The following ZNF519 variants were observed in gnomAD, a reference collection of about 807,000 sequenced individuals.
ZNF519 encodes the protein zinc finger protein 519.
In ZNF519, 7 loss-of-function variants were observed where a neutral mutation model predicts 7.4. That is an observed-to-expected ratio of 0.94 (90% CI 0.54 to 1.77). The LOEUF is 1.77. ZNF519 is among the 40% of genes most tolerant of loss of function. The pLI is 0.00. For missense variants in ZNF519, 586 were observed against 623.1 expected (o/e 0.94, Z 0.63); for synonymous variants, 179 against 203.3 (o/e 0.88, Z 1.02).
intron 2 of ZNF519, among the ~76,000 whole-genome samples, chr18:14,086,160 C>T (rs1194763703): frequency 1.3e-5 from 2 of 152,316 alleles, no homozygotes; most frequent in Non-Finnish European, 2.9e-5. Context: ...CCTGGCAATG[C>T]AGTGCTGGCA....
Position 14,087,316 on chromosome 18 carries a change from T to G in ZNF519, c.131-2240A>C, listed in dbSNP as rs180747339. Among the ~76,000 whole-genome samples, 235 of 152,322 alleles carry G rather than the reference T, an allele frequency of 1.5e-3. 1 individual carries two copies. The highest frequency in any genetic ancestry group is 5.3e-3 in the African/African-American group (222 of 41,560). On this transcript the variant is annotated intron_variant and NMD_transcript_variant, in intron 2 of 4. Transcript: ENST00000587419. ...TTATGTTTACCATTTTTATTCAATG[T>G]AGTACTGAAAGTCCTAGCCAGACCA...
chr18:14,107,791 G>A (rs112147023), intron 2 of ZNF519, among the ~76,000 whole-genome samples: 30 of 152,290 alleles, frequency 2.0e-4, no homozygotes, highest in African/African-American at 6.5e-4. Flanking sequence ...TAGCCTGGCG[G>A]TATTCCCCAT....
chr18:14,111,515 GAAAA>G (rs371322134), intron 2 of ZNF519, among the ~76,000 whole-genome samples: 2 of 72,642 alleles, frequency 2.8e-5, no homozygotes, highest in Admixed American at 1.7e-4. Context: ...TCAAAAAAAA[GAAAA>G]AAAAAAAAAA....
rs571169547 is a variant in ZNF519 at position 14,103,483 on chromosome 18, G to A, written c.*1434C>T. ...AAAATGAAACTGGAAAATATTTTCA[G>A]ATAAATGAAAATGAAGTTATGACAT... On this transcript the variant is annotated 3_prime_UTR_variant, in exon 3 of 3. Transcript: ENST00000590202. 6.6e-6 allele frequency: 1 copy of A among 152,160 alleles called. No individual in the cohort carries two copies. Among genetic ancestry groups the A allele is most frequent in the East Asian group, 1.9e-4 (1 of 5,192 alleles). 9.4% of individuals were successfully genotyped at this position (152,160 alleles called of 1,614,324 possible). A position where few individuals can be genotyped will look rare whatever the true frequency, so the allele number is the denominator to read the frequency against.
intron 2 of ZNF519, among the ~76,000 whole-genome samples, chr18:14,109,351 A>G (rs1425092203): frequency 2.0e-5 from 3 of 152,162 alleles, no homozygotes; most frequent in Non-Finnish European, 4.4e-5. Context: ...AATCTGTGCT[A>G]TAAACCAAAT....
chr18:14,102,929 T>C lies in ZNF519; in HGVS notation c.*1988A>G, dbSNP rs1178330861. On this transcript the variant is annotated 3_prime_UTR_variant, in exon 3 of 3. Transcript: ENST00000590202. ...AAACAAGGAAGTAACTTCAAAAACA[T>C]GAACAATTATATAAATTAAAAGATT... 6.6e-6 allele frequency: 1 copy of C among 151,734 alleles called. No homozygotes were observed. The highest frequency in any genetic ancestry group is 2.1e-4 in the South Asian group (1 of 4,822). The allele number at this position is 151,734 out of a possible 1,614,324, so 9.4% of individuals were successfully genotyped here. A position where few individuals can be genotyped will look rare whatever the true frequency, so the allele number is the denominator to read the frequency against.
intron 3 of ZNF519, chr18:14,084,802 C>CA (rs1350319051): frequency 3.3e-5 from 5 of 152,198 alleles, no homozygotes; most frequent in Admixed American, 3.3e-4. Flanking sequence ...TCAAGGAGGG[C>CA]ATACAGGGAG....
chr18:14,088,836 G>C (rs2046101991), intron 2 of ZNF519, among the ~76,000 whole-genome samples: 1 of 152,052 alleles, frequency 6.6e-6, no homozygotes, highest in Admixed American at 6.6e-5. Flanking sequence ...ACATACTTAA[G>C]TATTGACATC....
intron 3 of ZNF519, among the ~76,000 whole-genome samples, chr18:14,084,522 G>A (rs908595843): frequency 3.9e-5 from 6 of 152,144 alleles, no homozygotes; most frequent in Admixed American, 2.0e-4. Flanking sequence ...CCATGGGGAT[G>A]TGGCGGGACT....
rs1199337854 is a variant in ZNF519, at chr18:14,103,550, A to G, written c.*1367T>C. On this transcript the variant is annotated 3_prime_UTR_variant, in exon 3 of 3. Coordinates refer to ENST00000590202, the MANE Select transcript of ZNF519 (RefSeq NM_145287.4). ...CAGCAAACTGTTCAGAGAAATTCAT[A>G]GCAGTAAACACCTACATTAAAAACA... 1 of 152,166 alleles carries G rather than the reference A, an allele frequency of 6.6e-6. No individual in the cohort carries two copies. The highest frequency in any genetic ancestry group is 1.5e-5 in the Non-Finnish European group (1 of 67,980). The allele number at this position is 152,166 out of a possible 1,614,324, so 9.4% of individuals were successfully genotyped here.
Position 14,101,854 on chromosome 18 carries a change from C to T in ZNF519, c.*3063G>A, listed in dbSNP as rs1459294198. ...CCTGGCCTCTTCTGTCGAGTCTTTCCATTCCCCAAATCAGGCACAGACCAG... is the reference window on the plus strand; with the variant it reads ...CCTGGCCTCTTCTGTCGAGTCTTTCTATTCCCCAAATCAGGCACAGACCAG... On this transcript the variant is annotated 3_prime_UTR_variant, in exon 3 of 3. Coordinates refer to ENST00000590202, the MANE Select transcript of ZNF519 (RefSeq NM_145287.4). 1 of 397,568 alleles carries T rather than the reference C, an allele frequency of 2.5e-6. No homozygotes were observed. The highest frequency in any genetic ancestry group is 4.4e-6 in the Non-Finnish European group (1 of 225,802). The allele number at this position is 397,568 out of a possible 1,614,324, so 24.6% of individuals were successfully genotyped here. A position where few individuals can be genotyped will look rare whatever the true frequency, so the allele number is the denominator to read the frequency against.
chr18:14,096,792 T>A (rs17536373), downstream of ZNF519, among the ~76,000 whole-genome samples: 24 of 152,154 alleles, frequency 1.6e-4, no homozygotes, highest in Middle Eastern at 3.4e-3. Context: ...ACAGTGGTGT[T>A]CCTATAGATG....
At chr18:14,096,676 C>T (rs998210131), downstream of ZNF519, among the ~76,000 whole-genome samples, 1 of 152,172 alleles carries the variant, frequency 6.6e-6, no homozygotes, top group Non-Finnish European at 1.5e-5. Context: ...CAACCACACC[C>T]ATCTATTCAT....
intron 1 of ZNF519, among the ~76,000 whole-genome samples, chr18:14,132,059 C>A (rs1252320422): frequency 1.3e-5 from 2 of 152,266 alleles, no homozygotes; most frequent in East Asian, 3.9e-4. Context: ...GGGGAAGATG[C>A]AGGGCTGCGG....
chr18:14,074,410 T>C (rs9947535), downstream of ZNF519: 3,360 of 152,558 alleles, frequency 0.022, 124 homozygotes, highest in African/African-American at 0.074. Context: ...CCTTTTCTGC[T>C]CCATGTGGCC....
intron 3 of ZNF519, chr18:14,084,188 G>C (rs2046080942): frequency 6.6e-6 from 1 of 152,168 alleles, no homozygotes; most frequent in South Asian, 2.1e-4. Context: ...ACCACAGTGT[G>C]ACTTTCACCT....
At chr18:14,120,287 T>C (rs116692589) in intron 2 of ZNF519, among the ~76,000 whole-genome samples, 2,379 of 152,180 alleles carry the variant, frequency 0.016, 64 homozygotes, top group African/African-American at 0.055. Flanking sequence ...ACCAAGAATA[T>C]ACAATGCAGA....
chr18:14,081,490 A>G (rs1404316621), intron 3 of ZNF519, among the ~76,000 whole-genome samples: 2 of 152,210 alleles, frequency 1.3e-5, no homozygotes, highest in Non-Finnish European at 2.9e-5. Flanking sequence ...CTGGACAGGC[A>G]GTTGCTGGGC....
downstream of ZNF519, among the ~76,000 whole-genome samples, chr18:14,099,493 T>A (rs1317726358): frequency 1.3e-5 from 2 of 152,094 alleles, no homozygotes; most frequent in African/African-American, 4.8e-5. Context: ...TCCTCAGAAA[T>A]CAAAATATTA....
Sources: gnomAD v4.1 joint callset for allele counts (sites outside exome capture counted in the v4.1 genomes callset) on GRCh38, gnomAD v4.1.1 for gene constraint, MANE v1.5 for transcripts, NCBI Gene and HGNC (gene_info 2026-07-23, HGNC 2026-07-21) for gene names.